The following SCRN1 variants were observed in gnomAD, a reference collection of about 807,000 sequenced individuals.
SCRN1 encodes the protein secernin 1, also known as secernin-1.
SCRN1 carries 19 observed loss-of-function variants against 43.3 expected under a neutral mutation model. That is an observed-to-expected ratio of 0.44 (90% CI 0.31 to 0.64). The LOEUF is 0.64. SCRN1 is among the 30% of genes least tolerant of loss of function. The probability of loss-of-function intolerance (pLI) is 0.09; values close to 1 mark genes in which losing one functional copy is unlikely to be tolerated. For synonymous variants in SCRN1, 183 were observed against 188.9 expected, an observed-to-expected ratio of 0.97 and a Z score of 0.26; for missense variants, 447 against 524.1, an observed-to-expected ratio of 0.85 and a Z score of 1.44.
At chr7:29,967,705 A>G (rs1788541938) in intron 2 of SCRN1, among the ~76,000 whole-genome samples, 1 of 152,234 alleles carries the variant, frequency 6.6e-6, no homozygotes. Flanking sequence ...CCCGAGCTAT[A>G]AGCCAAAGCA....
At position 29,940,780 on chromosome 7, in the gene SCRN1, C is replaced by G. The variant is rs777556223; in HGVS notation, c.641G>C (p.Trp214Ser). ...AAAATTGAACTCGCCCTCTCCCGTC[C>G]ACCAACCTTGGCTCTGAGCGTAACT... The part of the protein sequence containing the change: ...LRSYAQSQGW[W>S]TGEGEFNFSE... Residue 214 changes from tryptophan (W) to serine (S), a missense_variant, in exon 5 of 8, where the codon TGG becomes TCG. Physicochemically the swap from Trp to Ser is radical, Grantham distance 177. Coordinates refer to ENST00000242059, the MANE Select transcript of SCRN1 (RefSeq NM_014766.5). The G allele has an allele frequency of 2.5e-6, 4 of 1,610,710 alleles. No homozygotes were observed. The highest frequency in any genetic ancestry group is 2.5e-6 in the Non-Finnish European group (3 of 1,179,134).
chr7:29,975,931 ATTAGT>A (rs1475696684), intron 1 of SCRN1, among the ~76,000 whole-genome samples: 2 of 152,216 alleles, frequency 1.3e-5, no homozygotes, highest in Admixed American at 6.5e-5. Flanking sequence ...TTTCCAACTG[ATTAGT>A]TTAATGTTGC....
At chr7:29,938,745 A>G (rs1355517849) in intron 5 of SCRN1, among the ~76,000 whole-genome samples, 3 of 152,234 alleles carry the variant, frequency 2.0e-5, no homozygotes, top group Admixed American at 2.0e-4. Flanking sequence ...TAACCTATAG[A>G]AACAATGCTT....
At chr7:29,940,142 C>A (rs1787488982) in intron 5 of SCRN1, among the ~76,000 whole-genome samples, 1 of 152,054 alleles carries the variant, frequency 6.6e-6, no homozygotes, top group Admixed American at 6.5e-5. Flanking sequence ...GTGTAGACAA[C>A]AGAGTGACAT....
intron 6 of SCRN1, among the ~76,000 whole-genome samples, chr7:29,934,993 T>C (rs1787278725): frequency 6.6e-6 from 1 of 152,242 alleles, no homozygotes. Flanking sequence ...TCCTGCTTTT[T>C]ACCTAAAGAA....
At chr7:29,989,377 G>A (rs1789283002) in intron 1 of SCRN1, among the ~76,000 whole-genome samples, 1 of 152,136 alleles carries the variant, frequency 6.6e-6, no homozygotes, top group African/African-American at 2.4e-5. Flanking sequence ...CGGTGCGGGA[G>A]CCCGGGGCCG....
rs752719090 is a variant in SCRN1, at chr7:29,955,269, T to A, written c.251A>T (p.Asn84Ile). The A allele has an allele frequency of 6.2e-7, 1 of 1,614,064 alleles. No individual in the cohort carries two copies. Residue 84 changes from asparagine (N) to isoleucine (I), a missense_variant, in exon 3 of 8, where the codon AAT (asparagine) becomes ATT (isoleucine). By Grantham distance (149) the Asn-to-Ile change is moderately radical. Coordinates refer to ENST00000242059, the MANE Select transcript of SCRN1 (RefSeq NM_014766.5). ...AWLWGAEMGA[N>I]EHGVCIANEA... ...ATTGGCTATGCACACTCCATGTTCA[T>A]TGGCTCCCATTTCTGCTCCCCAGAG... is the stretch of plus-strand genomic sequence containing the variant.
intron 3 of SCRN1, among the ~76,000 whole-genome samples, chr7:29,948,264 G>C (rs1787800705): frequency 6.6e-6 from 1 of 152,180 alleles, no homozygotes; most frequent in Admixed American, 6.5e-5. Flanking sequence ...CTGGGGCCTT[G>C]GGCAACTCCT....
Position 29,968,981 on chromosome 7 carries a change from G to C in SCRN1, c.87C>G (p.Ala29=). The C allele has an allele frequency of 1.2e-6, 2 of 1,614,094 alleles. No individual in the cohort carries two copies. The highest frequency in any genetic ancestry group is 1.7e-6 in the Non-Finnish European group (2 of 1,180,012). ...CCTCTTGCACTTCATCTCTGGGCCG[G>C]GCTGAATTTTTCCCAAATACCACCA... ...DGLVVFGKNS[A]RPRDEVQEVV... The change falls in exon 2 of 8, where the codon GCC becomes GCG. Residue 29 remains alanine (A), a synonymous_variant. Coordinates refer to ENST00000242059, the MANE Select transcript of SCRN1 (RefSeq NM_014766.5).
At chr7:29,979,861 G>A (rs1788945867) in intron 1 of SCRN1, among the ~76,000 whole-genome samples, 1 of 152,174 alleles carries the variant, frequency 6.6e-6, no homozygotes, top group Admixed American at 6.5e-5. Flanking sequence ...GTCAGATCAA[G>A]TTCACTGTAA....
At chr7:29,962,719 AATAAC>A (rs1321071313) in intron 2 of SCRN1, among the ~76,000 whole-genome samples, 11 of 147,912 alleles carry the variant, frequency 7.4e-5, no homozygotes, top group Non-Finnish European at 1.5e-4. Context: ...AATAACATAA[AATAAC>A]ATAAAATGTC....
intron 1 of SCRN1, among the ~76,000 whole-genome samples, chr7:29,988,447 A>C (rs1789233938): frequency 6.6e-6 from 1 of 152,190 alleles, no homozygotes; most frequent in South Asian, 2.1e-4. Context: ...CAGCTCCAAG[A>C]ATCACTCTCT....
intron 6 of SCRN1, among the ~76,000 whole-genome samples, chr7:29,930,597 A>G (rs963538576): frequency 6.6e-6 from 1 of 152,210 alleles, no homozygotes; most frequent in African/African-American, 2.4e-5. Context: ...CATCACATGC[A>G]TGGGACGCCC....
At chr7:29,939,986 C>CA (rs779960489) in intron 5 of SCRN1, among the ~76,000 whole-genome samples, 222 of 112,942 alleles carry the variant, frequency 2.0e-3, no homozygotes, top group East Asian at 4.3e-3. Flanking sequence ...CCTGTCTCTA[C>CA]AAAAAAAAAA....
intron 7 of SCRN1, among the ~76,000 whole-genome samples, chr7:29,925,599 G>A (rs1191896337): frequency 1.3e-5 from 2 of 152,202 alleles, no homozygotes; most frequent in Non-Finnish European, 2.9e-5. Flanking sequence ...ACTGGGTGCT[G>A]TGGAACGTGC....
intron 2 of SCRN1, among the ~76,000 whole-genome samples, chr7:29,955,860 A>G (rs1788120282): frequency 6.6e-6 from 1 of 152,238 alleles, no homozygotes; most frequent in African/African-American, 2.4e-5. Flanking sequence ...TGGTTGCTCT[A>G]GTGGTAGAAA....
At chr7:29,946,299 C>T (rs546434653) in intron 3 of SCRN1, among the ~76,000 whole-genome samples, 1 of 152,294 alleles carries the variant, frequency 6.6e-6, no homozygotes, top group African/African-American at 2.4e-5. Flanking sequence ...CTTGAGGCTC[C>T]GGAACAAACA....
chr7:29,963,004 T>C (rs1257302961), intron 2 of SCRN1, among the ~76,000 whole-genome samples: 1 of 151,352 alleles, frequency 6.6e-6, no homozygotes, highest in Non-Finnish European at 1.5e-5. Flanking sequence ...GTTTTGGAAC[T>C]GAGACCCGGA....
chr7:29,954,485 T>G (rs1295218123), intron 3 of SCRN1, among the ~76,000 whole-genome samples: 1 of 152,102 alleles, frequency 6.6e-6, no homozygotes, highest in Non-Finnish European at 1.5e-5. Flanking sequence ...CTCATGCCCA[T>G]TAGGAATCAC....
Sources: allele counts gnomAD v4.1 joint callset (sites outside exome capture counted in the v4.1 genomes callset), GRCh38; gene constraint gnomAD v4.1.1; transcripts MANE v1.5; gene names NCBI Gene and HGNC (gene_info 2026-07-23, HGNC 2026-07-21).